RBM47: variants seen among roughly 807,000 people sequenced by gnomAD.
The protein encoded by RBM47 is RNA binding motif protein 47.
RBM47 carries 21 observed loss-of-function variants against 47.1 expected under a neutral mutation model. The ratio of observed to expected loss-of-function variants is 0.45; its 90% confidence interval spans 0.32 to 0.64. The LOEUF (loss-of-function observed/expected upper bound fraction) is 0.64. RBM47 is among the 30% of genes least tolerant of loss of function. The probability of loss-of-function intolerance (pLI) is 0.05; values close to 1 mark genes in which losing one functional copy is unlikely to be tolerated. For missense variants in RBM47, 708 were observed against 870.9 expected (o/e 0.81, Z 2.35); for synonymous variants, 375 against 361.7 (o/e 1.04, Z -0.42).
At chr4:40,618,321 G>C (rs1020002134) in intron 1 of RBM47, among the ~76,000 whole-genome samples, 1 of 152,158 alleles carries the variant, frequency 6.6e-6, no homozygotes, top group African/African-American at 2.4e-5. Flanking sequence ...AGTTACCCAG[G>C]AGGCTGAGGC....
intron 2 of RBM47, among the ~76,000 whole-genome samples, chr4:40,528,949 AAAATAAATAAAT>A (rs1553896750): frequency 5.7e-3 from 502 of 88,648 alleles, no homozygotes; most frequent in Middle Eastern, 0.02. Flanking sequence ...TCTCAAAAAA[AAAATAAATAAAT>A]AAATAAATAA....
At chr4:40,431,650 T>C (rs1397654575) in intron 6 of RBM47, among the ~76,000 whole-genome samples, 1 of 54,218 alleles carries the variant, frequency 1.8e-5, no homozygotes, top group Admixed American at 2.4e-4. Flanking sequence ...AGAGCGAGAC[T>C]CCGTCTAAAA....
At chr4:40,579,242 G>A (rs1732637372) in intron 1 of RBM47, among the ~76,000 whole-genome samples, 1 of 151,428 alleles carries the variant, frequency 6.6e-6, no homozygotes, top group South Asian at 2.1e-4. Context: ...CTAACACACT[G>A]AAACCCCATC....
chr4:40,513,742 G>C (rs1021906871), intron 2 of RBM47, among the ~76,000 whole-genome samples: 7 of 151,680 alleles, frequency 4.6e-5, no homozygotes. Flanking sequence ...TTTGGAGACG[G>C]AGTTTCGCTC....
intron 2 of RBM47, among the ~76,000 whole-genome samples, chr4:40,506,395 CTG>C (rs1724103236): frequency 6.6e-6 from 1 of 152,228 alleles, no homozygotes; most frequent in African/African-American, 2.4e-5. Context: ...GGAAGGCAAA[CTG>C]AGATCTCCTA....
chr4:40,518,317 C>T (rs1161832035), intron 2 of RBM47, among the ~76,000 whole-genome samples: 2 of 151,876 alleles, frequency 1.3e-5, no homozygotes, highest in African/African-American at 2.4e-5. Flanking sequence ...GCTGGGACTA[C>T]AGGCACACAC....
At chr4:40,441,608 A>C (rs543167031) in intron 3 of RBM47, among the ~76,000 whole-genome samples, 1 of 152,224 alleles carries the variant, frequency 6.6e-6, no homozygotes. Context: ...TGTACTGTAT[A>C]CAACATTAAC....
At chr4:40,474,242 A>G (rs1176655009) in intron 2 of RBM47, among the ~76,000 whole-genome samples, 1 of 152,162 alleles carries the variant, frequency 6.6e-6, no homozygotes, top group African/African-American at 2.4e-5. Flanking sequence ...GTTAGTCTAA[A>G]CCTTTGAACC....
Position 40,459,086 on chromosome 4 carries a change from GA to G in RBM47, c.-32+7490del, listed in dbSNP as rs775288807. 2.0e-4 allele frequency among the ~76,000 whole-genome samples: 31 copies of G among 152,286 alleles called. No individual in the cohort carries two copies. In the South Asian group the frequency reaches 3.5e-3, roughly 17 times the overall value. On this transcript the variant is annotated intron_variant, in intron 3 of 6. Coordinates refer to ENST00000295971, the MANE Select transcript of RBM47 (RefSeq NM_001098634.2). The stretch of plus-strand genomic sequence containing the variant: ...AAAAGTAAAATTCGCCTTCTATTAT[GA>G]AGTGATTTTAGATATTAAAGGCTCT...
chr4:40,489,408 C>G (rs1048024770), intron 2 of RBM47, among the ~76,000 whole-genome samples: 2 of 151,936 alleles, frequency 1.3e-5, no homozygotes, highest in Non-Finnish European at 2.9e-5. Context: ...TTGAAAAGAG[C>G]AACAACATTG....
chr4:40,524,337 G>A (rs1019066507), intron 2 of RBM47, among the ~76,000 whole-genome samples: 2 of 152,164 alleles, frequency 1.3e-5, no homozygotes, highest in African/African-American at 4.8e-5. Flanking sequence ...AAGCAAGACT[G>A]GAACCCACCA....
chr4:40,562,641 T>C (rs1293874333), intron 1 of RBM47, among the ~76,000 whole-genome samples: 1 of 152,018 alleles, frequency 6.6e-6, no homozygotes, highest in Non-Finnish European at 1.5e-5. Flanking sequence ...AATTTTTGTA[T>C]TTTTAGTAGA....
intron 6 of RBM47, among the ~76,000 whole-genome samples, chr4:40,429,791 C>T (rs1028168453): frequency 1.8e-4 from 27 of 148,496 alleles, no homozygotes; most frequent in Admixed American, 1.1e-3. Context: ...CTTGCTCTAA[C>T]TATACCAAGA....
chr4:40,508,567 C>T (rs1003523234), intron 2 of RBM47, among the ~76,000 whole-genome samples: 1 of 152,050 alleles, frequency 6.6e-6, no homozygotes, highest in Non-Finnish European at 1.5e-5. Flanking sequence ...TGAGCGTCAC[C>T]GATAAAGGGT....
chr4:40,438,731 AC>A lies in RBM47; in HGVS notation c.162del (p.Lys54AsnfsTer50). The part of the protein sequence containing the change: ...YSMVQENGQR[K>X]YGGPPPGWEG... ...TCCCAGCCGGGCGGTGGGCCGCCGTACTTGCGCTGCCCGTTCTCTTGCACCA... is the reference window on the plus strand; with the variant it reads ...TCCCAGCCGGGCGGTGGGCCGCCGTATTGCGCTGCCCGTTCTCTTGCACCA... On this transcript the variant is annotated frameshift_variant, in exon 4 of 7. Coordinates refer to ENST00000295971, the MANE Select transcript of RBM47 (RefSeq NM_001098634.2). LOFTEE classifies it high-confidence loss of function. The A allele has an allele frequency of 6.2e-7, 1 of 1,604,694 alleles. No individual in the cohort carries two copies. The highest frequency in any genetic ancestry group is 8.5e-7 in the Non-Finnish European group (1 of 1,177,366).
intron 1 of RBM47, among the ~76,000 whole-genome samples, chr4:40,587,356 A>G (rs979166060): frequency 6.6e-6 from 1 of 152,142 alleles, no homozygotes; most frequent in Non-Finnish European, 1.5e-5. Context: ...ATGGGGGTTA[A>G]CACTAAGAAG....
At chr4:40,504,556 G>A (rs1723837282) in intron 2 of RBM47, among the ~76,000 whole-genome samples, 1 of 152,084 alleles carries the variant, frequency 6.6e-6, no homozygotes, top group African/African-American at 2.4e-5. Context: ...GCCCTCCAAA[G>A]TGCCGGGATT....
intron 2 of RBM47, among the ~76,000 whole-genome samples, chr4:40,514,206 A>G (rs1036318400): frequency 6.6e-6 from 1 of 152,168 alleles, no homozygotes; most frequent in Non-Finnish European, 1.5e-5. Context: ...CCAGAAACAC[A>G]GGACCTGGTT....
intron 3 of RBM47, among the ~76,000 whole-genome samples, chr4:40,465,981 G>C (rs1717950396): frequency 6.6e-6 from 1 of 152,048 alleles, no homozygotes; most frequent in Non-Finnish European, 1.5e-5. Context: ...AAACATAGTT[G>C]ACTGGCTGGG....
Sources: gnomAD v4.1 joint callset for allele counts (sites outside exome capture counted in the v4.1 genomes callset) on GRCh38, gnomAD v4.1.1 for gene constraint, MANE v1.5 for transcripts, NCBI Gene and HGNC (gene_info 2026-07-23, HGNC 2026-07-21) for gene names.